The following SNUPN variants were observed in gnomAD, a reference collection of about 807,000 sequenced individuals.
The protein encoded by SNUPN is snurportin 1.
Under a neutral mutation model 39.2 loss-of-function variants are expected in SNUPN, and 31 were observed. The ratio of observed to expected loss-of-function variants is 0.79; its 90% CI spans 0.59 to 1.07. The LOEUF (loss-of-function observed/expected upper bound fraction) is 1.07. Among genes scored for constraint, SNUPN ranks in the 50% least tolerant of loss-of-function variants. The probability of loss-of-function intolerance (pLI) is 0.00; values close to 1 mark genes in which losing one functional copy is unlikely to be tolerated. For missense variants in SNUPN, 382 were observed against 434.2 expected, an observed-to-expected ratio of 0.88 and a Z score of 1.07; for synonymous variants, 132 against 159.0, an observed-to-expected ratio of 0.83 and a Z score of 1.28.
chr15:75,617,551 T>C lies in SNUPN; in HGVS notation c.160A>G (p.Lys54Glu). 1 of 1,604,056 alleles carries C rather than the reference T, an allele frequency of 6.2e-7. No homozygotes were observed. The highest frequency in any genetic ancestry group is 8.5e-7 in the Non-Finnish European group (1 of 1,177,362). Residue 54 changes from lysine to glutamate, a missense_variant and splice_region_variant, in exon 3 of 9, where the codon AAG becomes GAG. Coordinates refer to ENST00000308588, the MANE Select transcript of SNUPN (RefSeq NM_005701.4). Reference protein sequence around the residue: ...RRRLLELQKSKRLDYVNHARR... With the variant: ...RRRLLELQKSERLDYVNHARR... ...GCATGGTTCACATAATCCAGCCGCT[T>C]GCTGGAAGGAAAAAAAAGGCATAAG...
In SNUPN at chr15:75,598,351, T is replaced by C; in HGVS notation, c.*7A>G. On this transcript the variant is annotated 3_prime_UTR_variant, in exon 9 of 9. Coordinates refer to ENST00000308588, the MANE Select transcript of SNUPN (RefSeq NM_005701.4). ...CATCCTGTGGCTCCTTAAGGAGGCT[T>C]CTCTCTTTAATTCTCCATGAGGCAT... 32 of 1,606,762 alleles carry C rather than the reference T, an allele frequency of 2.0e-5. No individual in the cohort carries two copies. The highest frequency in any genetic ancestry group is 2.6e-5 in the Non-Finnish European group (31 of 1,175,086).
At chr15:75,623,127 T>A (rs1893114869) in intron 1 of SNUPN, among the ~76,000 whole-genome samples, 1 of 150,698 alleles carries the variant, frequency 6.6e-6, no homozygotes, top group African/African-American at 2.5e-5. Context: ...TGAACCTCTG[T>A]AACCTTTAAA....
chr15:75,611,130 T>A (rs1170319159), intron 3 of SNUPN, among the ~76,000 whole-genome samples: 1 of 150,130 alleles, frequency 6.7e-6, no homozygotes, highest in African/African-American at 2.5e-5. Flanking sequence ...ATCACGCCAC[T>A]GCACTCCAGC....
chr15:75,605,644 A>T (rs769564973), intron 6 of SNUPN, among the ~76,000 whole-genome samples: 53 of 152,216 alleles, frequency 3.5e-4, no homozygotes, highest in Non-Finnish European at 6.3e-4. Context: ...GAAATTTAAA[A>T]AGATACATAC....
chr15:75,612,128 G>T (rs1892799902), intron 3 of SNUPN, among the ~76,000 whole-genome samples: 1 of 151,600 alleles, frequency 6.6e-6, no homozygotes, highest in South Asian at 2.1e-4. Context: ...CACCTCCCGG[G>T]TTCAAGCGAT....
intron 6 of SNUPN, among the ~76,000 whole-genome samples, chr15:75,605,767 A>G (rs188323842): frequency 1.3e-5 from 2 of 152,344 alleles, no homozygotes; most frequent in Admixed American, 1.3e-4. Context: ...TATGTTCTAG[A>G]TTGAATTTAT....
chr15:75,610,734 C>A (rs1240196082), intron 3 of SNUPN, among the ~76,000 whole-genome samples: 1 of 152,164 alleles, frequency 6.6e-6, no homozygotes, highest in South Asian at 2.1e-4. Context: ...CAAACCGATG[C>A]CCCAAATACT....
chr15:75,607,634 G>C (rs1010613927), intron 5 of SNUPN, among the ~76,000 whole-genome samples: 5 of 152,158 alleles, frequency 3.3e-5, no homozygotes, highest in African/African-American at 1.2e-4. Context: ...TTCCATTTTA[G>C]TTTACAACTG....
At chr15:75,602,406 G>C (rs1191530600) in intron 7 of SNUPN, among the ~76,000 whole-genome samples, 1 of 150,236 alleles carries the variant, frequency 6.7e-6, no homozygotes, top group African/African-American at 2.4e-5. Context: ...CATGCCAGTA[G>C]TCCCAGCTAC....
chr15:75,604,683 G>A (rs983916628), intron 7 of SNUPN, among the ~76,000 whole-genome samples: 4 of 152,136 alleles, frequency 2.6e-5, no homozygotes, highest in South Asian at 2.1e-4. Flanking sequence ...AAAATCTAAG[G>A]GTAAGTGAGA....
At chr15:75,607,352 T>G (rs200175609) in intron 5 of SNUPN, 39 bp from the exon 6 acceptor site, 3 of 1,433,584 alleles carry the variant, frequency 2.1e-6, no homozygotes, top group Non-Finnish European at 3.0e-6. Flanking sequence ...AGAGTTCTTC[T>G]TCCAACCAGG....
chr15:75,604,954 G>A (rs1416236042), intron 7 of SNUPN, among the ~76,000 whole-genome samples, 196 bp downstream of exon 7: 1 of 152,032 alleles, frequency 6.6e-6, no homozygotes, highest in Non-Finnish European at 1.5e-5. Context: ...TCCCAATTAT[G>A]AGTGAGAACA....
intron 2 of SNUPN, among the ~76,000 whole-genome samples, 191 bp from the exon 3 acceptor site, chr15:75,617,743 G>A (rs1254377878): frequency 6.6e-6 from 1 of 151,808 alleles, no homozygotes; most frequent in African/African-American, 2.4e-5. Flanking sequence ...CACCACCCCT[G>A]GCTAATTTTT....
intron 3 of SNUPN, among the ~76,000 whole-genome samples, chr15:75,616,227 G>C (rs1004754614): frequency 6.6e-6 from 1 of 151,170 alleles, no homozygotes; most frequent in African/African-American, 2.4e-5. Flanking sequence ...GAGGCCGAGG[G>C]GGGTGGATCA....
intron 2 of SNUPN, among the ~76,000 whole-genome samples, chr15:75,618,709 C>A (rs1220669761): frequency 6.6e-6 from 1 of 151,970 alleles, no homozygotes; most frequent in African/African-American, 2.4e-5. Context: ...AAGGCACACA[C>A]CAGAGAGAAC....
At position 75,598,312 on chromosome 15, in the gene SNUPN, T is replaced by C. The variant is rs759927232; in HGVS notation, c.*46A>G. 12 of 1,498,400 alleles carry C rather than the reference T, an allele frequency of 8.0e-6. No homozygotes were observed. The South Asian group carries it at 1.0e-4, about 13-fold the overall frequency. 92.8% of individuals were successfully genotyped at this position (1,498,400 alleles called of 1,614,324 possible). A position where few individuals can be genotyped will look rare whatever the true frequency, so the allele number is the denominator to read the frequency against. ...ACTGTCCTCCTCTCCAGGATTCCTT[T>C]TGGGGCCAGGTACCATCCTGTGGCT... is the stretch of plus-strand genomic sequence containing the variant. On this transcript the variant is annotated 3_prime_UTR_variant, in exon 9 of 9. Transcript: ENST00000308588.
At position 75,603,518 on chromosome 15, in the gene SNUPN, G is replaced by A. The variant is rs1454852793; in HGVS notation, c.678+1632C>T. The stretch of plus-strand genomic sequence containing the variant: ...CTACTAAAAATACAAAAAATTAGCC[G>A]GTCGTGGTGGTGGGCGCCTATAGTC... On this transcript the variant is annotated intron_variant, in intron 7 of 8. Transcript: ENST00000308588. Among the ~76,000 whole-genome samples, 5 of 151,222 alleles carry A rather than the reference G, an allele frequency of 3.3e-5. No homozygotes were observed. The East Asian group carries it at 6.0e-4, about 18-fold the overall frequency.
intron 1 of SNUPN, chr15:75,625,281 G>A (rs1300621957): frequency 8.0e-6 from 1 of 124,418 alleles, no homozygotes; most frequent in Non-Finnish European, 1.7e-5. Context: ...CCCATCCGGC[G>A]CCCCCGCCTC....
intron 1 of SNUPN, chr15:75,622,600 TG>T: frequency 1.6e-6 from 1 of 624,010 alleles, no homozygotes; most frequent in East Asian, 1.4e-4. Context: ...CTTGCACTGC[TG>T]GGCTGGCCCA....
Sources: gnomAD v4.1 joint callset for allele counts (sites outside exome capture counted in the v4.1 genomes callset) on GRCh38, gnomAD v4.1.1 for gene constraint, MANE v1.5 for transcripts, NCBI Gene and HGNC (gene_info 2026-07-23, HGNC 2026-07-21) for gene names.